Variants in MAGI2 observed in about 807,000 individuals in gnomAD.
MAGI2 encodes membrane-associated guanylate kinase, WW and PDZ domain-containing protein 2.
In MAGI2, 35 loss-of-function variants were observed where a neutral mutation model predicts 133.3. The ratio of observed to expected loss-of-function variants is 0.26; its 90% CI spans 0.20 to 0.35. The LOEUF (loss-of-function observed/expected upper bound fraction) is 0.35. MAGI2 is among the 10% of genes least tolerant of loss of function. The pLI, the probability that MAGI2 is intolerant of heterozygous loss-of-function variation, is 1.00. For synonymous variants in MAGI2, 729 were observed against 710.6 expected (o/e 1.03, Z -0.41); for missense variants, 1,636 against 1,863.4 (o/e 0.88, Z 2.25).
chr7:78,654,032 A>T (rs1165502284), intron 2 of MAGI2, among the ~76,000 whole-genome samples: 1 of 152,230 alleles, frequency 6.6e-6, no homozygotes, highest in Non-Finnish European at 1.5e-5. Context: ...AGGCAAAATA[A>T]TAGTATTTTA....
chr7:78,156,343 C>T (rs1824383887), intron 16 of MAGI2, among the ~76,000 whole-genome samples: 1 of 152,198 alleles, frequency 6.6e-6, no homozygotes, highest in South Asian at 2.1e-4. Context: ...ATATGTTCAT[C>T]TGTGGCCCAG....
chr7:79,147,421 T>G (rs1822752814), intron 1 of MAGI2, among the ~76,000 whole-genome samples: 1 of 152,178 alleles, frequency 6.6e-6, no homozygotes. Context: ...TCCTCTAGCC[T>G]TTAAAAGAAG....
chr7:79,426,886 G>A (rs1435573782), intron 1 of MAGI2, among the ~76,000 whole-genome samples: 1 of 151,994 alleles, frequency 6.6e-6, no homozygotes, highest in East Asian at 1.9e-4. Context: ...TGACATAATT[G>A]TACTTTTGAA....
At chr7:79,369,771 T>C (rs2697095) in intron 1 of MAGI2, among the ~76,000 whole-genome samples, 1 of 151,532 alleles carries the variant, frequency 6.6e-6, no homozygotes. Flanking sequence ...TTGTAAAATT[T>C]TGAAGAGTAT....
At chr7:78,274,648 G>A (rs982096113) in intron 9 of MAGI2, among the ~76,000 whole-genome samples, 7 of 152,076 alleles carry the variant, frequency 4.6e-5, no homozygotes, top group African/African-American at 1.7e-4. Flanking sequence ...CAGAGTTGAG[G>A]AGTCTAGAGA....
chr7:78,443,621 T>A (rs958003164), intron 6 of MAGI2, among the ~76,000 whole-genome samples: 5 of 152,200 alleles, frequency 3.3e-5, no homozygotes, highest in Non-Finnish European at 7.3e-5. Context: ...GCCATTTTTG[T>A]ATTTTTCTCT....
intron 2 of MAGI2, among the ~76,000 whole-genome samples, chr7:78,805,496 A>T (rs985090881): frequency 2.6e-5 from 4 of 152,180 alleles, no homozygotes; most frequent in Non-Finnish European, 5.9e-5. Flanking sequence ...AGAACTGTCT[A>T]TAAGTTAAAG....
chr7:79,131,957 CA>C (rs1212612143), intron 1 of MAGI2, among the ~76,000 whole-genome samples: 2 of 152,020 alleles, frequency 1.3e-5, no homozygotes, highest in Non-Finnish European at 2.9e-5. Flanking sequence ...CGTGTAAACA[CA>C]AAACCAGATA....
intron 2 of MAGI2, among the ~76,000 whole-genome samples, chr7:78,695,040 A>G (rs1157943713): frequency 4.6e-5 from 7 of 152,040 alleles, no homozygotes; most frequent in Non-Finnish European, 1.5e-5. Context: ...CCTGGCTAAC[A>G]CGGTGAAACC....
chr7:79,098,338 T>C (rs888110585), intron 1 of MAGI2, among the ~76,000 whole-genome samples: 3 of 152,300 alleles, frequency 2.0e-5, no homozygotes, highest in African/African-American at 4.8e-5. Context: ...ATAATTGTAT[T>C]TACAATACTG....
chr7:78,087,817 C>G (rs1816793325), intron 20 of MAGI2, among the ~76,000 whole-genome samples: 1 of 152,128 alleles, frequency 6.6e-6, no homozygotes, highest in African/African-American at 2.4e-5. Context: ...AGTGTGGCAA[C>G]AGACATGAAT....
intron 4 of MAGI2, among the ~76,000 whole-genome samples, chr7:78,511,552 T>A (rs370547864): frequency 0.24 from 16,564 of 67,956 alleles, 942 homozygotes; most frequent in African/African-American, 0.33. Context: ...TATATATAAA[T>A]TTTTTTTTTT....
At chr7:78,505,078 G>A (rs1794966838) in intron 4 of MAGI2, among the ~76,000 whole-genome samples, 1 of 152,082 alleles carries the variant, frequency 6.6e-6, no homozygotes, top group Non-Finnish European at 1.5e-5. Flanking sequence ...GGGGGTGGAA[G>A]AAGTTTCTTT....
At chr7:78,882,109 G>GAAAAAAAAAAAAAAAAAA (rs1795915418) in intron 2 of MAGI2, among the ~76,000 whole-genome samples, 1 of 50,848 alleles carries the variant, frequency 2.0e-5, no homozygotes, top group African/African-American at 7.5e-5. Flanking sequence ...AAAAAAAAAA[G>GAAAAAAAAAAAAAAAAAA]AAAAGAAAAA....
At chr7:79,341,401 A>T (rs967622035) in intron 1 of MAGI2, among the ~76,000 whole-genome samples, 8 of 134,828 alleles carry the variant, frequency 5.9e-5, no homozygotes, top group African/African-American at 3.1e-4. Flanking sequence ...GTGTTTATTT[A>T]AAAAAAAAAC....
chr7:78,529,831 T>C (rs907858613), intron 3 of MAGI2, among the ~76,000 whole-genome samples: 1 of 151,740 alleles, frequency 6.6e-6, no homozygotes, highest in African/African-American at 2.4e-5. Flanking sequence ...ATCTTAAAAT[T>C]TTCTAGTTAG....
chr7:78,916,441 C>T lies in MAGI2; in HGVS notation c.418+90649G>A, dbSNP rs535089681. Among the ~76,000 whole-genome samples, 98 of 152,114 alleles carry T rather than the reference C, an allele frequency of 6.4e-4. 2 individuals carry two copies. The highest frequency in any genetic ancestry group is 7.5e-4 in the Non-Finnish European group (51 of 67,984). On this transcript the variant is annotated intron_variant, in intron 2 of 21. Transcript: ENST00000354212. Reference sequence around the variant, plus strand: ...CAAATAACAAAATTTTTGAAATTTACAGAAGACCAGTGTATTTCTTACTGC... The same window carrying T: ...CAAATAACAAAATTTTTGAAATTTATAGAAGACCAGTGTATTTCTTACTGC...
intron 6 of MAGI2, among the ~76,000 whole-genome samples, chr7:78,472,160 A>T (rs1047571908): frequency 6.6e-6 from 1 of 152,102 alleles, no homozygotes; most frequent in Non-Finnish European, 1.5e-5. Flanking sequence ...TTATCCTTTT[A>T]AATGTTGCAT....
intron 2 of MAGI2, among the ~76,000 whole-genome samples, chr7:78,829,968 C>T (rs1791000394): frequency 6.6e-6 from 1 of 151,920 alleles, no homozygotes; most frequent in Non-Finnish European, 1.5e-5. Flanking sequence ...TAGAAAGTTC[C>T]TATAGACTAT....
Sources: allele counts gnomAD v4.1 joint callset (sites outside exome capture counted in the v4.1 genomes callset), GRCh38; gene constraint gnomAD v4.1.1; transcripts MANE v1.5; gene names NCBI Gene and HGNC (gene_info 2026-07-23, HGNC 2026-07-21).